The following SRPK2 variants were observed in gnomAD, a reference collection of about 807,000 sequenced individuals.
SRPK2 encodes the protein SRSF protein kinase 2, also known as SFRS protein kinase 2.
Under a neutral mutation model 90.8 loss-of-function variants are expected in SRPK2, and 21 were observed. That is an observed-to-expected ratio of 0.23 (90% CI 0.16 to 0.33). SRPK2 has a LOEUF of 0.33. Among genes scored for constraint, SRPK2 ranks in the 10% least tolerant of loss-of-function variants. SRPK2 has a pLI of 1.00. For synonymous variants in SRPK2, 288 were observed against 311.1 expected (o/e 0.93, Z 0.78); for missense variants, 620 against 869.0 (o/e 0.71, Z 3.60).
chr7:105,385,171 A>AT (rs767913304), intron 2 of SRPK2, among the ~76,000 whole-genome samples: 559 of 49,670 alleles, frequency 0.011, 78 homozygotes, highest in African/African-American at 0.038. Context: ...CGCGCCCGGC[A>AT]TTTTTTTTTT....
At chr7:105,220,925 A>G (rs1237899614) in intron 2 of SRPK2, among the ~76,000 whole-genome samples, 1 of 152,196 alleles carries the variant, frequency 6.6e-6, no homozygotes, top group African/African-American at 2.4e-5. Flanking sequence ...GAGCTATACA[A>G]TAATTTTTTG....
At position 105,264,516 on chromosome 7, in the gene SRPK2, G is replaced by A. The variant is rs117221963; in HGVS notation, c.72-60731C>T. On this transcript the variant is annotated intron_variant, in intron 2 of 15. Transcript: ENST00000393651. ...TTACTATGACACTTTTTCCCTCTCC[G>A]CTTCTCTCCTCTCCTGAACAAGACA... Among the ~76,000 whole-genome samples, 500 of 152,184 alleles carry A rather than the reference G, an allele frequency of 3.3e-3. 2 individuals are homozygous for A. The highest frequency in any genetic ancestry group is 5.5e-3 in the Non-Finnish European group (376 of 68,006).
chr7:105,357,561 T>C (rs960296992), intron 2 of SRPK2, among the ~76,000 whole-genome samples: 3 of 151,920 alleles, frequency 2.0e-5, no homozygotes, highest in Non-Finnish European at 4.4e-5. Flanking sequence ...CTAGCCAACA[T>C]GGTGAAACCC....
intron 7 of SRPK2, among the ~76,000 whole-genome samples, chr7:105,158,334 A>C (rs1221406086): frequency 6.6e-6 from 1 of 151,680 alleles, no homozygotes; most frequent in Non-Finnish European, 1.5e-5. Context: ...AGCTCACTGC[A>C]ACCTCCACCT....
At chr7:105,278,880 C>A (rs1806887444) in intron 2 of SRPK2, among the ~76,000 whole-genome samples, 1 of 151,968 alleles carries the variant, frequency 6.6e-6, no homozygotes, top group Non-Finnish European at 1.5e-5. Context: ...TAAAAGATGT[C>A]CAATCATGTT....
chr7:105,186,261 G>A (rs1485702706), intron 3 of SRPK2, among the ~76,000 whole-genome samples: 5 of 152,144 alleles, frequency 3.3e-5, no homozygotes, highest in Non-Finnish European at 7.3e-5. Flanking sequence ...ATTACACAAT[G>A]GTGGGGTTTG....
chr7:105,391,586 G>A (rs1822184897), upstream of SRPK2, among the ~76,000 whole-genome samples: 1 of 152,042 alleles, frequency 6.6e-6, no homozygotes. Context: ...GAGGCTGGAG[G>A]ATCATCTGAG....
intron 2 of SRPK2, among the ~76,000 whole-genome samples, chr7:105,247,372 T>TTGAAG (rs1585343246): frequency 6.6e-6 from 1 of 152,122 alleles, no homozygotes; most frequent in East Asian, 1.9e-4. Flanking sequence ...GAAAGCGTGC[T>TTGAAG]TGAAGTGAGG....
downstream of SRPK2, chr7:105,115,448 C>G (rs1799565706): frequency 6.6e-6 from 1 of 152,166 alleles, no homozygotes; most frequent in African/African-American, 2.4e-5. Context: ...CCTGTATCTG[C>G]TATAAACACA....
In SRPK2 at chr7:105,364,428, T is replaced by A. The variant is rs1429939687; in HGVS notation, c.71+24220A>T. Among the ~76,000 whole-genome samples the A allele has an allele frequency of 2.0e-5, 3 of 149,124 alleles. No homozygotes were observed. In the Admixed American group the frequency reaches 2.0e-4, roughly 10 times the overall value. On this transcript the variant is annotated intron_variant, in intron 2 of 15. Transcript: ENST00000393651. ...ACGTTTTTTTTTTTTTGAGAAGGAG[T>A]CTCGCACTGTCACCCTGGCTGGAGT... is the stretch of plus-strand genomic sequence containing the variant.
chr7:105,203,458 T>C (rs1208548385), intron 3 of SRPK2, among the ~76,000 whole-genome samples, 170 bp downstream of exon 3: 2 of 152,188 alleles, frequency 1.3e-5, no homozygotes, highest in Non-Finnish European at 2.9e-5. Context: ...CTGATATCAG[T>C]CTCTATACAA....
intron 1 of SRPK2, among the ~76,000 whole-genome samples, chr7:105,396,616 G>C (rs1822328549): frequency 6.6e-6 from 1 of 150,638 alleles, no homozygotes; most frequent in African/African-American, 2.4e-5. Context: ...GGGCAACAGA[G>C]CGACACTCCG....
At chr7:105,159,466 A>AAAAAAAAAAAAAAAAAAAAAAAAAC (rs1316365933) in intron 7 of SRPK2, among the ~76,000 whole-genome samples, 110 of 114,272 alleles carry the variant, frequency 9.6e-4, no homozygotes, top group Non-Finnish European at 1.7e-3. Flanking sequence ...AAAAAAAAAA[A>AAAAAAAAAAAAAAAAAAAAAAAAAC]AAAAAAACCG....
At chr7:105,385,648 G>T (rs1821490623) in intron 2 of SRPK2, among the ~76,000 whole-genome samples, 1 of 152,070 alleles carries the variant, frequency 6.6e-6, no homozygotes, top group African/African-American at 2.4e-5. Flanking sequence ...CCTCCCCAGG[G>T]CCTCTGCCAC....
chr7:105,214,352 A>T (rs545580289), intron 2 of SRPK2, among the ~76,000 whole-genome samples: 2 of 152,374 alleles, frequency 1.3e-5, no homozygotes, highest in South Asian at 4.1e-4. Flanking sequence ...AAGTTTTAAA[A>T]TAAGCAGTAA....
intron 2 of SRPK2, among the ~76,000 whole-genome samples, chr7:105,242,368 CG>C (rs761164249): frequency 1.3e-5 from 2 of 151,970 alleles, no homozygotes; most frequent in African/African-American, 4.8e-5. Context: ...AAAAGTTATC[CG>C]GGGGTGGTGG....
At chr7:105,326,461 T>C (rs535354189) in intron 2 of SRPK2, among the ~76,000 whole-genome samples, 1 of 152,338 alleles carries the variant, frequency 6.6e-6, no homozygotes, top group African/African-American at 2.4e-5. Context: ...TTTTCATGGA[T>C]AGACAAGGCT....
At chr7:105,268,866 A>G (rs755008100) in intron 2 of SRPK2, 1 of 1,585,400 alleles carries the variant, frequency 6.3e-7, no homozygotes, top group Non-Finnish European at 8.6e-7. Flanking sequence ...CTTCTGCTTG[A>G]TTTCTGGAAA....
Position 105,302,026 on chromosome 7 carries a change from C to T in SRPK2, c.71+86622G>A, listed in dbSNP as rs1006939817. ...ATCACAAAGGAGAACTTCCTCGAGG[C>T]TGGAACTGGGTTGATGTTGTGAAGC... is the stretch of plus-strand genomic sequence containing the variant. On this transcript the variant is annotated intron_variant, in intron 2 of 15. Transcript: ENST00000393651. 4 of 1,576,772 alleles carry T rather than the reference C, an allele frequency of 2.5e-6. No individual in the cohort carries two copies. The African/African-American group carries it at 5.4e-5, about 21-fold the overall frequency.
Sources: allele counts gnomAD v4.1 joint callset (sites outside exome capture counted in the v4.1 genomes callset), GRCh38; gene constraint gnomAD v4.1.1; transcripts MANE v1.5; gene names NCBI Gene and HGNC (gene_info 2026-07-23, HGNC 2026-07-21).